CES5A: variants seen among roughly 807,000 people sequenced by gnomAD.
CES5A encodes carboxylesterase 5.
CES5A carries 67 observed loss-of-function variants against 62.9 expected under a neutral mutation model. The observed-to-expected ratio is 1.07, with a 90% CI of 0.88 to 1.31. The LOEUF is 1.31. Ranked by LOEUF, CES5A falls within the 50% of genes most tolerant of loss-of-function variation. CES5A has a pLI of 0.00. For missense variants in CES5A, 748 were observed against 708.5 expected (o/e 1.06, Z -0.63); for synonymous variants, 296 against 280.8 (o/e 1.05, Z -0.54).
At chr16:55,918,408 A>G (rs1369241979) in intron 1 of CES5A, among the ~76,000 whole-genome samples, 1 of 152,096 alleles carries the variant, frequency 6.6e-6, no homozygotes, top group East Asian at 1.9e-4. Flanking sequence ...TCTTATCTCA[A>G]TTGAAATATC....
intron 2 of CES5A, among the ~76,000 whole-genome samples, chr16:55,935,212 G>A (rs748639413): frequency 6.6e-6 from 1 of 152,170 alleles, no homozygotes; most frequent in Non-Finnish European, 1.5e-5. Flanking sequence ...CAATGTGCTG[G>A]GATTACAGGC....
chr16:55,933,815 C>T (rs2034338769), intron 2 of CES5A, among the ~76,000 whole-genome samples: 1 of 152,150 alleles, frequency 6.6e-6, no homozygotes, highest in South Asian at 2.1e-4. Context: ...CAGAATAGGT[C>T]ATCATCTGCA....
At chr16:55,863,538 G>A (rs1286389565) in intron 5 of CES5A, 86 bp from the exon 6 acceptor site, 1 of 777,214 alleles carries the variant, frequency 1.3e-6, no homozygotes, top group Non-Finnish European at 2.3e-6. Context: ...AACCTTCCCA[G>A]GAAGCCTCCT....
intron 1 of CES5A, among the ~76,000 whole-genome samples, chr16:55,893,456 A>T (rs13333113): frequency 0.13 from 20,275 of 152,252 alleles, 1,505 homozygotes; most frequent in South Asian, 0.17. Context: ...TACTATGAGC[A>T]CATTTAAAAA....
At chr16:55,873,512 T>TA (rs1317182587) in intron 2 of CES5A, among the ~76,000 whole-genome samples, 2 of 151,938 alleles carry the variant, frequency 1.3e-5, no homozygotes, top group Non-Finnish European at 2.9e-5. Context: ...TCAGCACTTC[T>TA]AAAAAAAACT....
intron 11 of CES5A, among the ~76,000 whole-genome samples, chr16:55,847,728 T>C (rs1295450828): frequency 6.6e-6 from 1 of 152,178 alleles, no homozygotes; most frequent in Admixed American, 6.5e-5. Context: ...GAGCATGTAA[T>C]ATACAAAAAC....
At chr16:55,953,472 A>C (rs1181113184) in intron 1 of CES5A, among the ~76,000 whole-genome samples, 8 of 152,226 alleles carry the variant, frequency 5.3e-5, no homozygotes, top group African/African-American at 1.9e-4. Flanking sequence ...ATATAAAATC[A>C]ACACACAAAA....
intron 4 of CES5A, among the ~76,000 whole-genome samples, chr16:55,869,090 C>G (rs1401439978): frequency 5.6e-4 from 86 of 152,330 alleles, no homozygotes; most frequent in Middle Eastern, 3.4e-3. Context: ...CCACCGACTG[C>G]TCACACAAAC....
chr16:55,902,142 T>A (rs2033996128), intron 1 of CES5A, among the ~76,000 whole-genome samples: 1 of 152,168 alleles, frequency 6.6e-6, no homozygotes. Context: ...CCTCTGTTTA[T>A]AGAATGAAAC....
chr16:55,879,217 TCCATCACTGCACC>T (rs2033735391), upstream of CES5A, among the ~76,000 whole-genome samples: 1 of 120,158 alleles, frequency 8.3e-6, no homozygotes, highest in South Asian at 2.8e-4. Flanking sequence ...ATTGCTGCAC[TCCATCACTGCACC>T]CCATCACTGC....
chr16:55,849,548 G>T, intron 11 of CES5A, 76 bp downstream of exon 11: 1 of 1,519,068 alleles, frequency 6.6e-7, no homozygotes. Context: ...CAACCCCGAA[G>T]TCCTCCAGGC....
chr16:55,885,258 C>T (rs1040702025), intron 1 of CES5A, among the ~76,000 whole-genome samples: 2 of 152,146 alleles, frequency 1.3e-5, no homozygotes, highest in African/African-American at 4.8e-5. Context: ...TGAGCCATCA[C>T]CTTGTGCCTC....
chr16:55,903,791 C>G (rs1275674438), intron 1 of CES5A, among the ~76,000 whole-genome samples: 1 of 152,080 alleles, frequency 6.6e-6, no homozygotes, highest in African/African-American at 2.4e-5. Flanking sequence ...AATTGCAAGA[C>G]CTGGAAAATT....
At position 55,869,730 on chromosome 16, in the gene CES5A, G is replaced by A. The variant is rs2033543944; in HGVS notation, c.432C>T (p.Phe144=). The stretch of plus-strand genomic sequence containing the variant: ...AGCCAGTCTTGAAGGCACCTCCTGG[G>A]AACCACACCAAGACCTGAGGAGGGG... ...TGSKLPVLVW[F]PGGAFKTGSA... Residue 144 remains phenylalanine (F), a synonymous_variant, in exon 4 of 13, where the codon TTC becomes TTT. Transcript: ENST00000290567. 2 of 1,604,076 alleles carry A rather than the reference G, an allele frequency of 1.2e-6. No homozygotes were observed. The highest frequency in any genetic ancestry group is 2.7e-5 in the African/African-American group (2 of 74,750).
intron 1 of CES5A, among the ~76,000 whole-genome samples, chr16:55,898,044 T>A (rs949329619): frequency 6.6e-6 from 1 of 152,160 alleles, no homozygotes. Context: ...GGGAGAGAAG[T>A]CAGAATAGTG....
In CES5A at chr16:55,943,908, A is replaced by G. The variant is rs139315852; in HGVS notation, c.160+5877T>C. 750 of 622,408 alleles carry G rather than the reference A, an allele frequency of 1.2e-3. 5 individuals are homozygous for G. Among genetic ancestry groups the G allele is most frequent in the African/African-American group, 9.7e-3 (529 of 54,712 alleles). 38.6% of individuals were successfully genotyped at this position (622,408 alleles called of 1,614,324 possible). On this transcript the variant is annotated intron_variant, in intron 2 of 13. Transcript: ENST00000521992. The stretch of plus-strand genomic sequence containing the variant: ...CCAGATAAGCTTTAACTGAGTATCC[A>G]GTAAGAGGGTCTAGAGCTGAAGGGG...
intron 1 of CES5A, among the ~76,000 whole-genome samples, chr16:55,887,429 A>T (rs1378890946): frequency 6.6e-6 from 1 of 151,946 alleles, no homozygotes; most frequent in Non-Finnish European, 1.5e-5. Flanking sequence ...ATTAAAAACT[A>T]GGGCTGCTGC....
intron 9 of CES5A, among the ~76,000 whole-genome samples, chr16:55,853,379 C>T (rs1417554687): frequency 6.6e-6 from 1 of 152,178 alleles, no homozygotes. Context: ...AAAGTAAAAA[C>T]ATAAACTGCT....
chr16:55,870,029 T>C (rs545846308), intron 3 of CES5A, among the ~76,000 whole-genome samples: 27 of 152,330 alleles, frequency 1.8e-4, no homozygotes, highest in African/African-American at 6.5e-4. Flanking sequence ...AAGGAAAGTA[T>C]CTCACTTATG....
Sources: allele counts gnomAD v4.1 joint callset (sites outside exome capture counted in the v4.1 genomes callset), GRCh38; gene constraint gnomAD v4.1.1; transcripts MANE v1.5; gene names NCBI Gene and HGNC (gene_info 2026-07-23, HGNC 2026-07-21).